EXT2: variants seen among roughly 807,000 people sequenced by gnomAD.
The protein encoded by EXT2 is exostosin glycosyltransferase 2.
Under a neutral mutation model 81.6 loss-of-function variants are expected in EXT2, and 53 were observed. The observed-to-expected ratio is 0.65, with a 90% CI of 0.52 to 0.82. The LOEUF (loss-of-function observed/expected upper bound fraction) is 0.82. EXT2 is among the 40% of genes least tolerant of loss of function. The pLI is 0.00. For missense variants in EXT2, 774 were observed against 910.2 expected (o/e 0.85, Z 1.93); for synonymous variants, 320 against 340.0 (o/e 0.94, Z 0.65).
rs1312247973 is a variant in EXT2, at chr11:44,232,415, T to C, written c.1725T>C (p.His575=). The change falls in exon 11 of 14, where the codon CAT becomes CAC. Residue 575 remains histidine (H), a synonymous_variant. Transcript: ENST00000533608. ...GYPGRLHLWD[H]EMNKWKYESE... ...CGGGTCGTCTGCATCTCTGGGACCATGAGATGAATAAGTGGAAGTATGAGT... is the reference window on the plus strand; with the variant it reads ...CGGGTCGTCTGCATCTCTGGGACCACGAGATGAATAAGTGGAAGTATGAGT... 2 of 1,612,392 alleles carry C rather than the reference T, an allele frequency of 1.2e-6. No individual in the cohort carries two copies. Among genetic ancestry groups the C allele is most frequent in the Non-Finnish European group, 1.7e-6 (2 of 1,178,532 alleles).
rs200427972 is a variant in EXT2, at chr11:44,126,855, G to A, written c.979G>A (p.Gly327Ser). The part of the protein sequence containing the change: ...FCVVLRGARL[G>S]QAVLSDVLQA... Reference sequence around the variant, plus strand: ...TGTGGTTCTTCGTGGAGCTCGGCTGGGCCAGGCAGTATTGAGCGATGTGTT... The same window carrying A: ...TGTGGTTCTTCGTGGAGCTCGGCTGAGCCAGGCAGTATTGAGCGATGTGTT... Residue 327 changes from glycine (G) to serine (S), a missense_variant, in exon 6 of 14, where the codon GGC becomes AGC. Physicochemically the swap from Gly to Ser is moderately conservative, Grantham distance 56. Around this residue, in one of 2 missense-constraint regions of EXT2, gnomAD observed 626 missense variants for 670.5 expected, o/e 0.93. Coordinates refer to ENST00000533608, the MANE Select transcript of EXT2 (RefSeq NM_207122.2). The A allele has an allele frequency of 9.9e-6, 16 of 1,613,968 alleles. No homozygotes were observed. Among genetic ancestry groups the A allele is most frequent in the African/African-American group, 1.3e-5 (1 of 74,866 alleles).
chr11:44,152,511 C>A (rs377242057), intron 7 of EXT2, among the ~76,000 whole-genome samples: 1 of 152,186 alleles, frequency 6.6e-6, no homozygotes, highest in East Asian at 1.9e-4. Context: ...CCACCACACC[C>A]GGCTAATCTT....
At chr11:44,168,817 A>G (rs1049278851) in intron 7 of EXT2, among the ~76,000 whole-genome samples, 13 of 152,370 alleles carry the variant, frequency 8.5e-5, no homozygotes, top group African/African-American at 3.1e-4. Flanking sequence ...TTCTACAGTG[A>G]AATAAATAAC....
At chr11:44,226,877 G>C (rs1025466502) in intron 10 of EXT2, among the ~76,000 whole-genome samples, 5 of 152,400 alleles carry the variant, frequency 3.3e-5, no homozygotes, top group Admixed American at 1.3e-4. Flanking sequence ...AACTCAGGCA[G>C]TGTGTGCAAG....
chr11:44,114,098 G>C (rs1954185290), intron 3 of EXT2, 87 bp from the exon 4 acceptor site: 1 of 1,167,150 alleles, frequency 8.6e-7, no homozygotes. Flanking sequence ...TGATAATAAA[G>C]ACTCAGTAAT....
chr11:44,119,416 C>T (rs535941065), intron 4 of EXT2, among the ~76,000 whole-genome samples: 31 of 152,146 alleles, frequency 2.0e-4, no homozygotes, highest in South Asian at 6.2e-4. Flanking sequence ...TCTTCCAGTG[C>T]GGTGCACAAG....
At chr11:44,207,297 C>T (rs1238573980) in intron 10 of EXT2, among the ~76,000 whole-genome samples, 2 of 152,306 alleles carry the variant, frequency 1.3e-5, no homozygotes, top group South Asian at 2.1e-4. Flanking sequence ...AGCAGCTAGG[C>T]GCTGCAACAA....
chr11:44,149,438 C>G (rs1010654175), intron 7 of EXT2, among the ~76,000 whole-genome samples: 12 of 152,138 alleles, frequency 7.9e-5, no homozygotes, highest in Admixed American at 1.3e-4. Flanking sequence ...TTTTCTGTAT[C>G]CTTTCTCTGA....
chr11:44,215,694 C>T (rs542932691), intron 10 of EXT2, among the ~76,000 whole-genome samples: 1 of 152,154 alleles, frequency 6.6e-6, no homozygotes, highest in East Asian at 1.9e-4. Flanking sequence ...TTTCTGTAGC[C>T]TTTGTCATTT....
At chr11:44,130,184 G>T in intron 7 of EXT2, 46 bp downstream of exon 7, 1 of 1,493,874 alleles carries the variant, frequency 6.7e-7, no homozygotes, top group South Asian at 1.1e-5. Flanking sequence ...GTACCGAAAT[G>T]GTGGCCTTGA....
chr11:44,190,762 C>T (rs566716431), intron 8 of EXT2, among the ~76,000 whole-genome samples: 60 of 152,300 alleles, frequency 3.9e-4, no homozygotes, highest in Non-Finnish European at 6.9e-4. Context: ...TCAGCAAGAA[C>T]GCTTCAGAAT....
In EXT2 at chr11:44,124,964, G is replaced by A. The variant is rs200631641; in HGVS notation, c.919G>A (p.Asp307Asn). Residue 307 changes from aspartate (D) to asparagine (N), a missense_variant, in exon 5 of 14, where the codon GAT becomes AAT. Transcript: ENST00000533608. The stretch of plus-strand genomic sequence containing the variant: ...GCGCTGCCACAAGCACCAGGTCTTC[G>A]ATTACCCACAGGTGCTACAGGTGAG... ...RKRCHKHQVF[D>N]YPQVLQEATF... 50 of 1,613,094 alleles carry A rather than the reference G, an allele frequency of 3.1e-5. No homozygotes were observed. Among genetic ancestry groups the A allele is most frequent in the South Asian group, 3.1e-4 (28 of 91,020 alleles).
Position 44,234,127 on chromosome 11 carries a change from C to T in EXT2, c.1819C>T (p.Leu607=). The change falls in exon 12 of 14, where the codon CTG becomes TTG. Residue 607 remains leucine (L), a synonymous_variant. Coordinates refer to ENST00000533608, the MANE Select transcript of EXT2 (RefSeq NM_207122.2). The part of the protein sequence containing the change: ...AAFYHKYFNY[L]YTYKMPGDIK... ...TCTCACTTGACAGTATTTTAATTAC[C>T]TGTATACCTACAAAATGCCTGGGGA... 6.2e-7 allele frequency: 1 copy of T among 1,613,994 alleles called. No individual in the cohort carries two copies. The highest frequency in any genetic ancestry group is 8.5e-7 in the Non-Finnish European group (1 of 1,179,896).
Position 44,244,356 on chromosome 11 carries a change from C to T in EXT2, c.*69C>T. Reference sequence around the variant, plus strand: ...GGAGAGAACAAGGCCTCCCAGCACTCTGATGTCAGAGTAGTAGGTTAAGGG... The same window carrying T: ...GGAGAGAACAAGGCCTCCCAGCACTTTGATGTCAGAGTAGTAGGTTAAGGG... On this transcript the variant is annotated 3_prime_UTR_variant, in exon 14 of 14. Transcript: ENST00000533608. 1 of 1,560,144 alleles carries T rather than the reference C, an allele frequency of 6.4e-7. No individual in the cohort carries two copies. Among genetic ancestry groups the T allele is most frequent in the Non-Finnish European group, 8.8e-7 (1 of 1,131,566 alleles).
intron 1 of EXT2, among the ~76,000 whole-genome samples, chr11:44,098,677 A>G (rs1953937851): frequency 6.8e-6 from 1 of 147,672 alleles, no homozygotes; most frequent in South Asian, 2.3e-4. Flanking sequence ...CCTGGGCAAC[A>G]GAGAGAGATT....
chr11:44,222,599 C>T (rs1471804193), intron 10 of EXT2, among the ~76,000 whole-genome samples: 1 of 152,062 alleles, frequency 6.6e-6, no homozygotes, highest in Non-Finnish European at 1.5e-5. Flanking sequence ...AAAAATTTAA[C>T]CTTGGCCTGG....
chr11:44,130,507 A>G (rs1181169998), intron 7 of EXT2, among the ~76,000 whole-genome samples: 1 of 152,184 alleles, frequency 6.6e-6, no homozygotes, highest in African/African-American at 2.4e-5. Context: ...CCATGATACT[A>G]TTGCTGCACA....
At chr11:44,182,199 C>T (rs1001692735) in intron 8 of EXT2, among the ~76,000 whole-genome samples, 10 of 152,054 alleles carry the variant, frequency 6.6e-5, no homozygotes, top group South Asian at 2.1e-4. Flanking sequence ...TCTCTGAGTC[C>T]GGAATCTCCC....
At chr11:44,129,985 T>A in intron 6 of EXT2, 60 bp from the exon 7 acceptor site, 1 of 1,283,608 alleles carries the variant, frequency 7.8e-7, no homozygotes, top group African/African-American at 1.5e-5. Context: ...CAAGACTGTG[T>A]GTAGAAATGC....
Sources: gnomAD v4.1 joint callset for allele counts (sites outside exome capture counted in the v4.1 genomes callset) on GRCh38, gnomAD v4.1.1 for gene constraint, gnomAD v4.1.1 regional missense constraint, MANE v1.5 for transcripts, NCBI Gene and HGNC (gene_info 2026-07-23, HGNC 2026-07-21) for gene names.